SUMF1: variants seen among roughly 807,000 people sequenced by gnomAD.
SUMF1 encodes the protein formylglycine-generating enzyme.
A neutral mutation model predicts 47.6 loss-of-function variants in SUMF1; 48 were observed. The observed-to-expected ratio is 1.01, with a 90% CI of 0.80 to 1.28. The LOEUF (loss-of-function observed/expected upper bound fraction) is 1.28. Among genes scored for constraint, SUMF1 ranks in the 50% most tolerant of loss-of-function variants. The probability of loss-of-function intolerance (pLI) is 0.00; values close to 1 mark genes in which losing one functional copy is unlikely to be tolerated. For missense variants in SUMF1, 571 were observed against 485.4 expected (o/e 1.18, Z -1.66); for synonymous variants, 230 against 192.1 (o/e 1.20, Z -1.63).
chr3:4,409,456 G>A (rs1380848916), intron 7 of SUMF1, among the ~76,000 whole-genome samples: 2 of 152,124 alleles, frequency 1.3e-5, no homozygotes, highest in Non-Finnish European at 2.9e-5. Context: ...CTCTAAAACT[G>A]AAAGCTAACA....
At chr3:4,074,440 A>G (rs1235845274) in intron 8 of SUMF1, among the ~76,000 whole-genome samples, 1 of 152,146 alleles carries the variant, frequency 6.6e-6, no homozygotes, top group Non-Finnish European at 1.5e-5. Context: ...CTAGAGAAGC[A>G]AGAGCAAACA....
At chr3:4,136,211 C>A (rs1310060033) in intron 8 of SUMF1, among the ~76,000 whole-genome samples, 1 of 152,142 alleles carries the variant, frequency 6.6e-6, no homozygotes, top group African/African-American at 2.4e-5. Flanking sequence ...CATCATGCTA[C>A]CTGACTTCAT....
At position 4,103,457 on chromosome 3, in the gene SUMF1, T is replaced by C. The variant is rs531536499; in HGVS notation, c.1015-34712A>G. ...AGAAGGTTTTATGAAATGGAGGGGA[T>C]TTTTTTTTGCTGGAACATGAAGAAA... On this transcript the variant is annotated intron_variant and NMD_transcript_variant, in intron 8 of 12. Transcript: ENST00000448413. Among the ~76,000 whole-genome samples, 158 of 151,120 alleles carry C rather than the reference T, an allele frequency of 1.0e-3. 1 individual carries two copies. Among genetic ancestry groups the C allele is most frequent in the Admixed American group, 6.6e-3 (100 of 15,188 alleles).
At chr3:4,210,558 G>A (rs1032456138) in intron 8 of SUMF1, among the ~76,000 whole-genome samples, 1 of 152,132 alleles carries the variant, frequency 6.6e-6, no homozygotes, top group Non-Finnish European at 1.5e-5. Context: ...CTGGATCATT[G>A]GAAAACTATA....
At chr3:4,162,708 A>C (rs1468301832) in intron 8 of SUMF1, among the ~76,000 whole-genome samples, 1 of 152,142 alleles carries the variant, frequency 6.6e-6, no homozygotes, top group Non-Finnish European at 1.5e-5. Flanking sequence ...GGTGTCAGTA[A>C]TTCAAGGGTG....
chr3:4,231,534 G>C (rs1232168457), intron 8 of SUMF1, among the ~76,000 whole-genome samples: 1 of 152,130 alleles, frequency 6.6e-6, no homozygotes, highest in Non-Finnish European at 1.5e-5. Context: ...AACTTGAATT[G>C]ATTATTTTGA....
intron 8 of SUMF1, among the ~76,000 whole-genome samples, chr3:4,143,905 C>T (rs1340384552): frequency 1.3e-5 from 2 of 151,636 alleles, no homozygotes; most frequent in Non-Finnish European, 2.9e-5. Context: ...ACCAGAGCCA[C>T]GGTGATATGT....
At chr3:4,125,160 T>A (rs917454100) in intron 8 of SUMF1, among the ~76,000 whole-genome samples, 40 of 152,278 alleles carry the variant, frequency 2.6e-4, no homozygotes, top group African/African-American at 9.1e-4. Flanking sequence ...AAAGCTGTGC[T>A]GTACAATACA....
At chr3:4,208,895 G>C (rs1695713818) in intron 8 of SUMF1, among the ~76,000 whole-genome samples, 2 of 152,170 alleles carry the variant, frequency 1.3e-5, no homozygotes, top group South Asian at 4.1e-4. Context: ...TCTGTTGCTA[G>C]ACTCAGATTA....
intron 9 of SUMF1, among the ~76,000 whole-genome samples, chr3:4,053,223 C>G (rs542502565): frequency 3.4e-4 from 51 of 152,198 alleles, no homozygotes; most frequent in African/African-American, 1.2e-3. Flanking sequence ...GGAGGAACAG[C>G]CTGTCAGTGG....
intron 8 of SUMF1, among the ~76,000 whole-genome samples, chr3:4,261,770 G>C (rs1390376104): frequency 6.6e-6 from 1 of 152,198 alleles, no homozygotes; most frequent in Non-Finnish European, 1.5e-5. Context: ...TAGAAGACCA[G>C]CATCAGTGCC....
At chr3:4,363,283 C>G (rs368222243) in intron 8 of SUMF1, among the ~76,000 whole-genome samples, 5 of 152,180 alleles carry the variant, frequency 3.3e-5, no homozygotes, top group Middle Eastern at 3.4e-3. Context: ...GCCAGTAGAT[C>G]GGCAAAAAAT....
At chr3:4,403,349 T>G (rs1297569639) in intron 7 of SUMF1, among the ~76,000 whole-genome samples, 1 of 152,078 alleles carries the variant, frequency 6.6e-6, no homozygotes, top group East Asian at 1.9e-4. Flanking sequence ...AAAAAAAGGA[T>G]AGCTCCACTA....
intron 8 of SUMF1, among the ~76,000 whole-genome samples, chr3:4,352,379 ACCAG>A (rs1699522156): frequency 6.6e-6 from 1 of 152,184 alleles, no homozygotes; most frequent in Non-Finnish European, 1.5e-5. Flanking sequence ...TGGAAAGCAA[ACCAG>A]CCAAGACAAG....
At chr3:4,408,004 T>A (rs558859269) in intron 7 of SUMF1, among the ~76,000 whole-genome samples, 1 of 152,322 alleles carries the variant, frequency 6.6e-6, no homozygotes, top group African/African-American at 2.4e-5. Context: ...TTAAAGCTAA[T>A]CTGAAATAGA....
chr3:4,250,077 A>C (rs1696762368), intron 8 of SUMF1, among the ~76,000 whole-genome samples: 1 of 151,838 alleles, frequency 6.6e-6, no homozygotes, highest in South Asian at 2.1e-4. Context: ...CCAACTACTC[A>C]GGACATGAGG....
chr3:4,248,910 C>T (rs1355339955), intron 8 of SUMF1, among the ~76,000 whole-genome samples: 3 of 152,220 alleles, frequency 2.0e-5, no homozygotes, highest in African/African-American at 7.2e-5. Flanking sequence ...AGAGGATCAG[C>T]TGACTCAAAG....
chr3:4,155,429 C>A (rs539872609), intron 8 of SUMF1, among the ~76,000 whole-genome samples: 1 of 151,432 alleles, frequency 6.6e-6, no homozygotes, highest in African/African-American at 2.4e-5. Flanking sequence ...TTTAGGCATG[C>A]GATGTTCTCA....
intron 8 of SUMF1, among the ~76,000 whole-genome samples, chr3:4,368,148 C>A (rs1248170829): frequency 6.6e-6 from 1 of 152,082 alleles, no homozygotes; most frequent in African/African-American, 2.4e-5. Context: ...AAGAAAAAAA[C>A]AAACAACCCC....
Sources: allele counts gnomAD v4.1 joint callset (sites outside exome capture counted in the v4.1 genomes callset), GRCh38; gene constraint gnomAD v4.1.1; transcripts MANE v1.5; gene names NCBI Gene and HGNC (gene_info 2026-07-23, HGNC 2026-07-21).